The following TENM3 variants were observed in gnomAD, a reference collection of about 807,000 sequenced individuals.
TENM3 encodes teneurin-3.
TENM3 carries 63 observed loss-of-function variants against 255.1 expected under a neutral mutation model. The observed-to-expected ratio is 0.25, with a 90% CI of 0.20 to 0.30. The LOEUF (loss-of-function observed/expected upper bound fraction) is 0.30. TENM3 is among the 10% of genes least tolerant of loss of function. The pLI is 1.00. For synonymous variants in TENM3, 1,306 were observed against 1,322.3 expected (o/e 0.99, Z 0.27); for missense variants, 2,929 against 3,461.1 (o/e 0.85, Z 3.86).
chr4:181,958,728 A>G, the TENM3 span, among the ~76,000 whole-genome samples: 2 of 152,128 alleles, frequency 1.3e-5, no homozygotes, highest in African/African-American at 4.8e-5. Context: ...CTTCACATAC[A>G]CAGTATTCAT....
chr4:181,707,973 C>A, the TENM3 span, among the ~76,000 whole-genome samples: 1 of 150,666 alleles, frequency 6.6e-6, no homozygotes, highest in South Asian at 2.1e-4. Context: ...CTTTTTTTTT[C>A]TGTTTGCAGC....
At chr4:181,963,669 TG>T in the TENM3 span, among the ~76,000 whole-genome samples, 899 of 152,298 alleles carry the variant, frequency 5.9e-3, 4 homozygotes, top group African/African-American at 0.021. Context: ...AGTCCTTCAA[TG>T]AACTGTGTAT....
the TENM3 span, among the ~76,000 whole-genome samples, chr4:181,864,055 G>A: frequency 5.9e-5 from 9 of 152,082 alleles, no homozygotes; most frequent in East Asian, 1.9e-4. Flanking sequence ...CAAGGCTCTC[G>A]GGCATGAGGT....
chr4:182,020,053 G>A, the TENM3 span, among the ~76,000 whole-genome samples: 1 of 151,370 alleles, frequency 6.6e-6, no homozygotes, highest in Non-Finnish European at 1.5e-5. Context: ...TAGCTTTAAC[G>A]TATTTGGCTG....
chr4:181,818,733 C>T, the TENM3 span, among the ~76,000 whole-genome samples: 1 of 151,942 alleles, frequency 6.6e-6, no homozygotes, highest in African/African-American at 2.4e-5. Context: ...CCTCAGCCTC[C>T]TGAGTAGCCA....
At chr4:181,813,905 G>A in the TENM3 span, among the ~76,000 whole-genome samples, 3 of 152,008 alleles carry the variant, frequency 2.0e-5, no homozygotes, top group Non-Finnish European at 4.4e-5. Context: ...CAAAGGAATA[G>A]AAAATTACAG....
chr4:182,343,876 T>C (rs1764634869), intron 2 of TENM3, among the ~76,000 whole-genome samples: 1 of 152,110 alleles, frequency 6.6e-6, no homozygotes, highest in South Asian at 2.1e-4. Context: ...TCTTAACCAC[T>C]GAGGAGAAGT....
At chr4:182,549,710 C>T (rs79392049) in intron 3 of TENM3, among the ~76,000 whole-genome samples, 5,929 of 152,184 alleles carry the variant, frequency 0.039, 228 homozygotes, top group East Asian at 0.095. Flanking sequence ...AAATATCATG[C>T]ATTCTTCTTT....
At chr4:182,178,298 C>CT (rs542919263) in intron 1 of TENM3, among the ~76,000 whole-genome samples, 12 of 152,078 alleles carry the variant, frequency 7.9e-5, no homozygotes, top group Middle Eastern at 3.2e-3. Flanking sequence ...TTTCTACTGC[C>CT]TCACCAAAAA....
At chr4:181,937,807 T>A in the TENM3 span, among the ~76,000 whole-genome samples, 5 of 152,340 alleles carry the variant, frequency 3.3e-5, no homozygotes, top group African/African-American at 9.6e-5. Flanking sequence ...GGCTGCTCAG[T>A]TGCCCCAGTC....
At chr4:181,905,481 A>G in the TENM3 span, among the ~76,000 whole-genome samples, 3 of 151,744 alleles carry the variant, frequency 2.0e-5, no homozygotes, top group East Asian at 5.8e-4. Context: ...AACATCACAC[A>G]TGATAAGGAT....
chr4:182,452,105 T>C (rs540988362), intron 3 of TENM3, among the ~76,000 whole-genome samples: 1 of 152,356 alleles, frequency 6.6e-6, no homozygotes, highest in Non-Finnish European at 1.5e-5. Flanking sequence ...CATGCACACA[T>C]ACAGACATAT....
At chr4:182,493,241 A>G (rs1407815656) in intron 3 of TENM3, among the ~76,000 whole-genome samples, 1 of 152,162 alleles carries the variant, frequency 6.6e-6, no homozygotes, top group African/African-American at 2.4e-5. Context: ...GCCACAGTGC[A>G]TATATGTAGC....
At chr4:182,624,072 C>T (rs76548488) in intron 4 of TENM3, among the ~76,000 whole-genome samples, 9,364 of 152,232 alleles carry the variant, frequency 0.062, 401 homozygotes, top group East Asian at 0.14. Flanking sequence ...CTTGGATATA[C>T]GCCGTGGTCT....
At chr4:181,500,108 A>G in the TENM3 span, among the ~76,000 whole-genome samples, 6 of 150,688 alleles carry the variant, frequency 4.0e-5, no homozygotes, top group African/African-American at 1.5e-4. Context: ...GGCTCACTGC[A>G]ACCTACGCCT....
At chr4:182,537,427 T>C (rs1489032442) in intron 3 of TENM3, among the ~76,000 whole-genome samples, 2 of 152,250 alleles carry the variant, frequency 1.3e-5, no homozygotes, top group Non-Finnish European at 2.9e-5. Context: ...CTTTTACCAA[T>C]TGTTTGCACC....
At chr4:181,490,119 A>G in the TENM3 span, among the ~76,000 whole-genome samples, 2 of 152,176 alleles carry the variant, frequency 1.3e-5, no homozygotes, top group Non-Finnish European at 2.9e-5. Context: ...AAATCAGGGT[A>G]ATGGGGTATC....
At chr4:182,104,918 C>T in the TENM3 span, among the ~76,000 whole-genome samples, 3 of 152,114 alleles carry the variant, frequency 2.0e-5, no homozygotes, top group African/African-American at 7.2e-5. Flanking sequence ...GTGTAAGAAT[C>T]ACCTGGGAAA....
the TENM3 span, among the ~76,000 whole-genome samples, chr4:181,944,721 C>A: frequency 6.6e-6 from 1 of 152,084 alleles, no homozygotes; most frequent in Non-Finnish European, 1.5e-5. Flanking sequence ...CTCTCTGTAA[C>A]CTTTGTGTGA....
Sources: allele counts gnomAD v4.1 joint callset (sites outside exome capture counted in the v4.1 genomes callset), GRCh38; gene constraint gnomAD v4.1.1; transcripts MANE v1.5; gene names NCBI Gene and HGNC (gene_info 2026-07-23, HGNC 2026-07-21).